The following HIP1R variants were observed in gnomAD, a reference collection of about 807,000 sequenced individuals.
HIP1R encodes huntingtin interacting protein 1 related.
A neutral mutation model predicts 144.2 loss-of-function variants in HIP1R; 135 were observed. The observed-to-expected ratio is 0.94, with a 90% CI of 0.81 to 1.08. The LOEUF is 1.08. Among genes scored for constraint, HIP1R ranks in the 50% least tolerant of loss-of-function variants. HIP1R has a pLI of 0.00. For missense variants in HIP1R, 1,462 were observed against 1,432.8 expected (o/e 1.02, Z -0.33); for synonymous variants, 698 against 612.8 (o/e 1.14, Z -2.05).
At chr12:122,853,973 G>T in intron 7 of HIP1R, 70 bp from the exon 8 acceptor site, 1 of 1,536,476 alleles carries the variant, frequency 6.5e-7, no homozygotes, top group Middle Eastern at 2.0e-4. Flanking sequence ...CTGCTTCACA[G>T]TTGGACCACC....
intron 12 of HIP1R, 83 bp from the exon 13 acceptor site, chr12:122,855,748 A>G: frequency 6.6e-7 from 1 of 1,515,424 alleles, no homozygotes; most frequent in Non-Finnish European, 9.0e-7. Context: ...CTGAGTGGCC[A>G]CTGAGGAGGA....
At chr12:122,848,235 C>A in intron 2 of HIP1R, 141 bp downstream of exon 2, 1 of 989,228 alleles carries the variant, frequency 1.0e-6, no homozygotes, top group Non-Finnish European at 1.5e-6. Flanking sequence ...TGCAGCTTGG[C>A]TCCTTCCCAT....
chr12:122,860,924 C>T lies in HIP1R; in HGVS notation c.2775C>T (p.Ala925=). 2 of 1,611,802 alleles carry T rather than the reference C, an allele frequency of 1.2e-6. No homozygotes were observed. The highest frequency in any genetic ancestry group is 1.7e-6 in the Non-Finnish European group (2 of 1,179,296). The change falls in exon 29 of 32, where the codon GCC becomes GCT. Residue 925 remains alanine (A), a synonymous_variant. Coordinates refer to ENST00000253083, the MANE Select transcript of HIP1R (RefSeq NM_003959.3). ...AQLVAASKVK[A]NKHSPHLSRL... is the part of the protein sequence containing the mutation. ...GACCTCTCGCCCCTCAGGTGAAGGC[C>T]AACAAGCACAGCCCCCACCTGAGCC...
Position 122,861,716 on chromosome 12 carries a change from A to G in HIP1R, c.3170A>G (p.Lys1057Arg). The G allele has an allele frequency of 1.2e-6, 2 of 1,614,128 alleles. No individual in the cohort carries two copies. The highest frequency in any genetic ancestry group is 2.2e-5 in the East Asian group (1 of 44,884). The change falls in exon 32 of 32, where the codon AAG (lysine) becomes AGG (arginine). Residue 1057 changes from lysine to arginine, a missense_variant. Around this residue, in one of 2 missense-constraint regions of HIP1R, gnomAD observed 1,112 missense variants for 1,011.7 expected, o/e 1.10. Coordinates refer to ENST00000253083, the MANE Select transcript of HIP1R (RefSeq NM_003959.3). ...APRQDHQLDK[K>R]DGIYPAQLVN... ...CTTTAACCCCTGCAGCTTGACAAAA[A>G]GGATGGCATCTACCCAGCTCAACTC...
chr12:122,844,688 C>T (rs1202767116), intron 1 of HIP1R, among the ~76,000 whole-genome samples: 1 of 152,210 alleles, frequency 6.6e-6, no homozygotes, highest in Admixed American at 6.5e-5. Flanking sequence ...AGCGGACAGA[C>T]CCCGGGGCGG....
Position 122,835,609 on chromosome 12 carries a change from TG to T in HIP1R, c.61del (p.Glu21ArgfsTer26). ...CTGAGCCGCAGGCCGGGCCACAGCCTGGAGGCCGAGCGCGAGCAGTTCGACA... is the reference window on the plus strand; with the variant it reads ...CTGAGCCGCAGGCCGGGCCACAGCCTGAGGCCGAGCGCGAGCAGTTCGACA... ...RVLSRRPGHS[L>X]EAEREQFDKT... is the part of the protein sequence containing the mutation. On this transcript the variant is annotated frameshift_variant, in exon 1 of 32. Coordinates refer to ENST00000253083, the MANE Select transcript of HIP1R (RefSeq NM_003959.3). LOFTEE classifies it high-confidence loss of function. The T allele has an allele frequency of 7.8e-7, 1 of 1,280,772 alleles. No homozygotes were observed. Among genetic ancestry groups the T allele is most frequent in the Non-Finnish European group, 9.9e-7 (1 of 1,005,774 alleles). The allele number at this position is 1,280,772 out of a possible 1,614,324, so 79.3% of individuals were successfully genotyped here.
At chr12:122,843,947 C>A (rs1367718198) in intron 1 of HIP1R, among the ~76,000 whole-genome samples, 1 of 151,982 alleles carries the variant, frequency 6.6e-6, no homozygotes, top group East Asian at 1.9e-4. Context: ...CAGGTTCAAG[C>A]GATTCTCTGC....
At position 122,850,897 on chromosome 12, in the gene HIP1R, C is replaced by T. The variant is rs371207471; in HGVS notation, c.501C>T (p.Thr167=). The part of the protein sequence containing the change: ...TDEVLEKAAG[T]DVNNIFQLTV... Reference sequence around the variant, plus strand: ...AGGTACTGGAGAAGGCAGCTGGGACCGATGTCAACAACATGTGAGTCACTC... The same window carrying T: ...AGGTACTGGAGAAGGCAGCTGGGACTGATGTCAACAACATGTGAGTCACTC... Residue 167 remains threonine (T), a synonymous_variant, in exon 6 of 32, where the codon ACC becomes ACT. Coordinates refer to ENST00000253083, the MANE Select transcript of HIP1R (RefSeq NM_003959.3). The T allele has an allele frequency of 1.1e-4, 180 of 1,610,318 alleles. No homozygotes were observed. Among genetic ancestry groups the T allele is most frequent in the Non-Finnish European group, 1.3e-4 (151 of 1,178,692 alleles).
intron 20 of HIP1R, 92 bp from the exon 21 acceptor site, chr12:122,858,746 C>A: frequency 1.1e-6 from 1 of 912,808 alleles, no homozygotes; most frequent in Non-Finnish European, 1.8e-6. Context: ...CCTCTTCCTC[C>A]TCCTCCTGGG....
chr12:122,851,298 G>T lies in HIP1R; in HGVS notation c.577+1G>T, dbSNP rs2033387558. ...TGTGAGCTGAAGCTTTCTGAATCAG[G>T]TGAGCCGTAAAGAGGGGATGCGGGG... On this transcript the variant is annotated splice_donor_variant, in intron 7 of 31. Transcript: ENST00000253083. LOFTEE classifies it high-confidence loss of function. 1.3e-6 allele frequency: 2 copies of T among 1,554,384 alleles called. No individual in the cohort carries two copies. The highest frequency in any genetic ancestry group is 2.4e-5 in the South Asian group (2 of 81,784).
Position 122,859,521 on chromosome 12 carries a change from T to C in HIP1R, c.2391T>C (p.Ala797=), listed in dbSNP as rs2135676979. 6.2e-7 allele frequency: 1 copy of C among 1,612,536 alleles called. No homozygotes were observed. Among genetic ancestry groups the C allele is most frequent in the Non-Finnish European group, 8.5e-7 (1 of 1,179,106 alleles). ...CCACATCCGCAGCCATTGAAGATGC[T>C]GTGCGGAGGATTGAGGTGAGCACGG... is the stretch of plus-strand genomic sequence containing the variant. The part of the protein sequence containing the change: ...MAATSAAIED[A]VRRIEDMMNQ... The change falls in exon 23 of 32, where the codon GCT becomes GCC. Residue 797 remains alanine, a synonymous_variant. Transcript: ENST00000253083.
chr12:122,861,913 G>A lies in HIP1R; in HGVS notation c.*160G>A, dbSNP rs1260803384. On this transcript the variant is annotated 3_prime_UTR_variant, in exon 32 of 32. Transcript: ENST00000253083. ...GCCCCTGGCCCTTACTGAGCCTGCA[G>A]GGTCCTGGGCCATGTGGGTGGTGCT... 2 of 651,932 alleles carry A rather than the reference G, an allele frequency of 3.1e-6. No homozygotes were observed. The highest frequency in any genetic ancestry group is 3.6e-5 in the African/African-American group (2 of 54,834). 40.4% of individuals were successfully genotyped at this position (651,932 alleles called of 1,614,324 possible).
intron 8 of HIP1R, 39 bp from the exon 9 acceptor site, chr12:122,854,866 T>C: frequency 6.2e-7 from 1 of 1,601,516 alleles, no homozygotes; most frequent in South Asian, 1.1e-5. Flanking sequence ...CCCTGAGCAG[T>C]GTGCAGAGAA....
At chr12:122,841,741 G>A (rs756610164) in intron 1 of HIP1R, among the ~76,000 whole-genome samples, 5 of 152,154 alleles carry the variant, frequency 3.3e-5, no homozygotes, top group Non-Finnish European at 7.3e-5. Context: ...CGACCTGGCT[G>A]CCTGTCACTT....
intron 30 of HIP1R, 29 bp downstream of exon 30, chr12:122,861,221 C>CTGA: frequency 6.2e-7 from 1 of 1,612,898 alleles, no homozygotes; most frequent in South Asian, 1.1e-5. Context: ...CCCGTGACCT[C>CTGA]TGAGCTCATC....
At position 122,851,231 on chromosome 12, in the gene HIP1R, C is replaced by T. The variant is rs200057689; in HGVS notation, c.516-5C>T. 23 of 1,507,112 alleles carry T rather than the reference C, an allele frequency of 1.5e-5. No homozygotes were observed. Among genetic ancestry groups the T allele is most frequent in the Middle Eastern group, 3.9e-4 (2 of 5,186 alleles). 93.4% of individuals were successfully genotyped at this position (1,507,112 alleles called of 1,614,324 possible). A position where few individuals can be genotyped will look rare whatever the true frequency, so the allele number is the denominator to read the frequency against. On this transcript the variant is annotated splice_polypyrimidine_tract_variant and splice_region_variant and intron_variant, in intron 6 of 31. Transcript: ENST00000253083. The stretch of plus-strand genomic sequence containing the variant: ...TTCATTTCTTCCCCCACTTCTCTTG[C>T]GTAGCTTCCAGCTCACTGTGGAGAT...
At position 122,855,133 on chromosome 12, in the gene HIP1R, C is replaced by T. The variant is rs199750482; in HGVS notation, c.852+5C>T. ...CAGATCCCCCGGCTGCCCGAGGTAC[C>T]ACCCCCAAGAGGGCCCCGAGGCCCT... On this transcript the variant is annotated splice_donor_5th_base_variant and intron_variant, in intron 10 of 31. Coordinates refer to ENST00000253083, the MANE Select transcript of HIP1R (RefSeq NM_003959.3). 2.9e-5 allele frequency: 46 copies of T among 1,613,416 alleles called. No individual in the cohort carries two copies. Among genetic ancestry groups the T allele is most frequent in the Non-Finnish European group, 3.5e-5 (41 of 1,179,948 alleles).
intron 4 of HIP1R, 51 bp downstream of exon 4, chr12:122,848,903 G>A (rs369437291): frequency 2.8e-5 from 44 of 1,583,654 alleles, no homozygotes; most frequent in Admixed American, 1.8e-4. Flanking sequence ...TTTCCTGAGC[G>A]TGTGGGGCTG....
intron 18 of HIP1R, 57 bp downstream of exon 18, chr12:122,857,272 CGATCTGTCTCCGT>C: frequency 1.4e-6 from 2 of 1,462,728 alleles, no homozygotes. Flanking sequence ...TGGCAACCAT[CGATCTGTCTCCGT>C]GATCTGCCTG....
Sources: gnomAD v4.1 joint callset for allele counts (sites outside exome capture counted in the v4.1 genomes callset) on GRCh38, gnomAD v4.1.1 for gene constraint, gnomAD v4.1.1 regional missense constraint, MANE v1.5 for transcripts, NCBI Gene and HGNC (gene_info 2026-07-23, HGNC 2026-07-21) for gene names.